The following PTPRD variants were observed in gnomAD, a reference collection of about 807,000 sequenced individuals.
PTPRD encodes receptor-type tyrosine-protein phosphatase delta.
A neutral mutation model predicts 214.5 loss-of-function variants in PTPRD; 34 were observed. That is an observed-to-expected ratio of 0.16 (90% CI 0.12 to 0.21). PTPRD has a LOEUF of 0.21. Ranked by LOEUF, PTPRD falls within the 10% of genes least tolerant of loss-of-function variation. The pLI, the probability that PTPRD is intolerant of heterozygous loss-of-function variation, is 1.00. For missense variants in PTPRD, 2,545 were observed against 2,398.7 expected, an observed-to-expected ratio of 1.06 and a Z score of -1.27; for synonymous variants, 1,128 against 845.7, an observed-to-expected ratio of 1.33 and a Z score of -5.79.
intron 9 of PTPRD, among the ~76,000 whole-genome samples, chr9:9,297,285 G>A (rs117316361): frequency 6.6e-6 from 1 of 151,538 alleles, no homozygotes; most frequent in Non-Finnish European, 1.5e-5. Flanking sequence ...CTATTTTTCT[G>A]CAATCTTTAT....
At chr9:8,511,004 TTCTC>T (rs538144686) in intron 21 of PTPRD, among the ~76,000 whole-genome samples, 54 of 152,196 alleles carry the variant, frequency 3.5e-4, no homozygotes, top group African/African-American at 1.3e-3. Context: ...TATTAATGTT[TTCTC>T]TCTATATATG....
At chr9:9,126,571 A>G (rs1310740584) in intron 10 of PTPRD, among the ~76,000 whole-genome samples, 1 of 152,250 alleles carries the variant, frequency 6.6e-6, no homozygotes, top group African/African-American at 2.4e-5. Context: ...TTCAAATATT[A>G]AACAGTGAAA....
intron 10 of PTPRD, among the ~76,000 whole-genome samples, chr9:9,127,419 G>C (rs1036190988): frequency 1.3e-5 from 2 of 152,220 alleles, no homozygotes; most frequent in African/African-American, 4.8e-5. Flanking sequence ...AGTATGAAGA[G>C]AAATGAATTG....
intron 10 of PTPRD, among the ~76,000 whole-genome samples, chr9:9,109,231 C>G (rs377762326): frequency 5.9e-5 from 9 of 152,120 alleles, no homozygotes; most frequent in African/African-American, 2.2e-4. Flanking sequence ...TTGTTATACT[C>G]TATCTATATC....
intron 3 of PTPRD, among the ~76,000 whole-genome samples, chr9:10,208,492 C>G (rs902768209): frequency 6.6e-6 from 1 of 152,138 alleles, no homozygotes; most frequent in African/African-American, 2.4e-5. Context: ...CCAGCCTGGG[C>G]GACAGAGCGA....
At chr9:9,764,103 A>G (rs928779804) in intron 6 of PTPRD, among the ~76,000 whole-genome samples, 5 of 152,100 alleles carry the variant, frequency 3.3e-5, no homozygotes, top group Admixed American at 2.6e-4. Context: ...CTAAGATTAT[A>G]ACTCTTATGA....
At chr9:9,711,253 T>C (rs1315599612) in intron 7 of PTPRD, among the ~76,000 whole-genome samples, 1 of 152,200 alleles carries the variant, frequency 6.6e-6, no homozygotes, top group African/African-American at 2.4e-5. Flanking sequence ...AGCAGAAATA[T>C]GCCATAGGAA....
intron 3 of PTPRD, among the ~76,000 whole-genome samples, chr9:10,209,118 T>C (rs570310578): frequency 6.6e-6 from 1 of 152,286 alleles, no homozygotes; most frequent in Non-Finnish European, 1.5e-5. Context: ...GTGACTACAA[T>C]ATTATTTATG....
At position 8,484,311 on chromosome 9, in the gene PTPRD, T is replaced by C. The variant is rs2135785626; in HGVS notation, c.3221A>G (p.Asn1074Ser). The C allele has an allele frequency of 6.2e-7, 1 of 1,614,078 alleles. No individual in the cohort carries two copies. The highest frequency in any genetic ancestry group is 8.5e-7 in the Non-Finnish European group (1 of 1,180,018). Residue 1074 changes from asparagine to serine, a missense_variant, in exon 30 of 46, where the codon AAC becomes AGC. Physicochemically the swap from Asn to Ser is conservative, Grantham distance 46 (BLOSUM62 1). Transcript: ENST00000381196. ...DGRATQKLIVNLKPEKSYSFV... is the reference protein window; with the variant it reads ...DGRATQKLIVSLKPEKSYSFV... Reference sequence around the variant, plus strand: ...TGAATATGATTTCTCAGGCTTCAGGTTGACAATTAACTTCTGTGTGGCTCG... The same window carrying C: ...TGAATATGATTTCTCAGGCTTCAGGCTGACAATTAACTTCTGTGTGGCTCG...
At chr9:8,429,656 TGA>T (rs767667470) in intron 35 of PTPRD, among the ~76,000 whole-genome samples, 2 of 152,078 alleles carry the variant, frequency 1.3e-5, no homozygotes, top group Non-Finnish European at 2.9e-5. Flanking sequence ...ACAGGAGATG[TGA>T]GAGTGCTGCC....
At chr9:10,096,907 A>C (rs2098494265) in intron 3 of PTPRD, among the ~76,000 whole-genome samples, 1 of 151,834 alleles carries the variant, frequency 6.6e-6, no homozygotes, top group Non-Finnish European at 1.5e-5. Context: ...ATCTTGAATT[A>C]ATTTTTTTAA....
chr9:10,352,092 G>A (rs1011281680), intron 2 of PTPRD, among the ~76,000 whole-genome samples: 1 of 151,992 alleles, frequency 6.6e-6, no homozygotes, highest in Non-Finnish European at 1.5e-5. Flanking sequence ...TCTGGACTCT[G>A]CTTGTAGTTC....
intron 2 of PTPRD, among the ~76,000 whole-genome samples, chr9:10,430,731 T>C (rs1223455888): frequency 1.3e-5 from 2 of 151,904 alleles, no homozygotes; most frequent in Non-Finnish European, 1.5e-5. Context: ...TTAATATTAG[T>C]GTTGGCAAAA....
intron 5 of PTPRD, among the ~76,000 whole-genome samples, chr9:9,862,245 CAA>C (rs888824985): frequency 6.6e-6 from 1 of 150,620 alleles, no homozygotes; most frequent in African/African-American, 2.4e-5. Flanking sequence ...TTTTGAAAAG[CAA>C]AGACACATTT....
intron 20 of PTPRD, among the ~76,000 whole-genome samples, chr9:8,520,100 T>G (rs1026957764): frequency 6.6e-6 from 1 of 152,206 alleles, no homozygotes; most frequent in Non-Finnish European, 1.5e-5. Context: ...CATGTCTTTC[T>G]GAACTTTCAA....
At chr9:8,561,782 T>C (rs1482388136) in intron 14 of PTPRD, among the ~76,000 whole-genome samples, 1 of 151,702 alleles carries the variant, frequency 6.6e-6, no homozygotes, top group African/African-American at 2.4e-5. Context: ...AGGAGCAGTG[T>C]TGGCACCATT....
chr9:10,338,412 TG>T (rs1415276844), intron 3 of PTPRD, among the ~76,000 whole-genome samples: 3 of 151,740 alleles, frequency 2.0e-5, no homozygotes, highest in African/African-American at 7.3e-5. Flanking sequence ...CAAATGAAAC[TG>T]ACAAAAGACC....
chr9:9,029,142 A>G (rs1265798157), intron 10 of PTPRD, among the ~76,000 whole-genome samples: 1 of 151,942 alleles, frequency 6.6e-6, no homozygotes, highest in African/African-American at 2.4e-5. Context: ...GGGTAAATAT[A>G]ACAATATTAT....
At chr9:9,068,362 C>A (rs1269474389) in intron 10 of PTPRD, among the ~76,000 whole-genome samples, 1 of 152,112 alleles carries the variant, frequency 6.6e-6, no homozygotes. Flanking sequence ...GATAAATGCC[C>A]ATGAATGCAA....
Sources: allele counts gnomAD v4.1 joint callset (sites outside exome capture counted in the v4.1 genomes callset), GRCh38; gene constraint gnomAD v4.1.1; transcripts MANE v1.5; gene names NCBI Gene and HGNC (gene_info 2026-07-23, HGNC 2026-07-21).